The following NUP214 variants were observed in gnomAD, a reference collection of about 807,000 sequenced individuals.
The protein encoded by NUP214 is nuclear pore complex protein Nup214.
NUP214 carries 79 observed loss-of-function variants against 196.2 expected under a neutral mutation model. The ratio of observed to expected loss-of-function variants is 0.40; its 90% CI spans 0.34 to 0.49. NUP214 has a LOEUF of 0.49. Ranked by LOEUF, NUP214 falls within the 20% of genes least tolerant of loss-of-function variation. The probability of loss-of-function intolerance (pLI) is 0.58; values close to 1 mark genes in which losing one functional copy is unlikely to be tolerated. For synonymous variants in NUP214, 1,020 were observed against 990.5 expected, an observed-to-expected ratio of 1.03 and a Z score of -0.56; for missense variants, 2,468 against 2,539.0, an observed-to-expected ratio of 0.97 and a Z score of 0.60.
At chr9:131,189,195 C>G in intron 26 of NUP214, 64 bp downstream of exon 26, 1 of 1,278,938 alleles carries the variant, frequency 7.8e-7, no homozygotes, top group South Asian at 1.2e-5. Context: ...GGTTATTGTT[C>G]TGGATCACTG....
chr9:131,200,042 T>A (rs188328361), intron 29 of NUP214, among the ~76,000 whole-genome samples: 1 of 152,268 alleles, frequency 6.6e-6, no homozygotes, highest in Non-Finnish European at 1.5e-5. Context: ...GAGAAGGCCC[T>A]ATGAGTCTTA....
intron 17 of NUP214, among the ~76,000 whole-genome samples, chr9:131,154,214 T>C (rs889771390): frequency 6.6e-6 from 1 of 152,192 alleles, no homozygotes; most frequent in African/African-American, 2.4e-5. Flanking sequence ...ATCCACAAAA[T>C]AATTTTTTTT....
At chr9:131,144,817 T>A in intron 12 of NUP214, 63 bp downstream of exon 12, 1 of 1,269,314 alleles carries the variant, frequency 7.9e-7, no homozygotes, top group Non-Finnish European at 1.1e-6. Context: ...TGTTATTTAC[T>A]AAAAGTAGAG....
chr9:131,216,469 G>A (rs1240030014), intron 31 of NUP214, among the ~76,000 whole-genome samples: 9 of 147,164 alleles, frequency 6.1e-5, no homozygotes, highest in Admixed American at 2.7e-4. Context: ...CTCATGATCC[G>A]CCTGCCTTGG....
intron 31 of NUP214, among the ~76,000 whole-genome samples, chr9:131,221,802 G>A (rs1377401307): frequency 2.6e-5 from 4 of 152,102 alleles, no homozygotes; most frequent in Admixed American, 6.5e-5. Flanking sequence ...CCATCTAGAC[G>A]TGGTAGGAAA....
chr9:131,125,653 GC>G lies in NUP214; in HGVS notation c.-51del. 6.5e-7 allele frequency: 1 copy of G among 1,544,046 alleles called. No individual in the cohort carries two copies. Among genetic ancestry groups the G allele is most frequent in the Non-Finnish European group, 8.7e-7 (1 of 1,143,096 alleles). On this transcript the variant is annotated 5_prime_UTR_variant, in exon 1 of 36. Transcript: ENST00000359428. This position sits in a 1 kb window ranked among gnomAD's most constrained non-coding sequence, Gnocchi z 4.1. ...CTGTCGAGCGGCCTGGGTTCCGTGG[GC>G]AAGGCCGTGGGAGGCAGCGTTGGCT...
Position 131,197,747 on chromosome 9 carries a change from G to A in NUP214, c.4253G>A (p.Ser1418Asn). Reference sequence around the variant, plus strand: ...GTTTTTGGCAGTCTGCCAGTCACCAGTGCAGGATCCTCTGGGGTCATCAGT... The same window carrying A: ...GTTTTTGGCAGTCTGCCAGTCACCAATGCAGGATCCTCTGGGGTCATCAGT... Reference protein sequence around the residue: ...TAVFGSLPVTSAGSSGVISFG... With the variant: ...TAVFGSLPVTNAGSSGVISFG... Residue 1418 changes from serine (S) to asparagine (N), a missense_variant, in exon 29 of 36, where the codon AGT becomes AAT. Ser to Asn is a conservative substitution (Grantham distance 46, BLOSUM62 1). Coordinates refer to ENST00000359428, the MANE Select transcript of NUP214 (RefSeq NM_005085.4). 1 of 1,614,208 alleles carries A rather than the reference G, an allele frequency of 6.2e-7. No individual in the cohort carries two copies. The highest frequency in any genetic ancestry group is 8.5e-7 in the Non-Finnish European group (1 of 1,180,038).
At chr9:131,217,893 C>A (rs1349747310) in intron 31 of NUP214, among the ~76,000 whole-genome samples, 2 of 152,188 alleles carry the variant, frequency 1.3e-5, no homozygotes, top group African/African-American at 4.8e-5. Context: ...GAGAGCCAGC[C>A]AAGCACATCT....
Position 131,130,652 on chromosome 9 carries a change from A to G in NUP214, c.593-114A>G, listed in dbSNP as rs560470502. 3.2e-5 allele frequency: 31 copies of G among 974,664 alleles called. No homozygotes were observed. In the East Asian group the frequency reaches 6.1e-4, roughly 19 times the overall value. The allele number at this position is 974,664 out of a possible 1,614,324, so 60.4% of individuals were successfully genotyped here. A position where few individuals can be genotyped will look rare whatever the true frequency, so the allele number is the denominator to read the frequency against. ...CACTTTGCCTGATAGAGATGATCCT[A>G]CAATCTTCCATGGACTGACAGAGGA... On this transcript the variant is annotated intron_variant, in intron 4 of 35. Coordinates refer to ENST00000359428, the MANE Select transcript of NUP214 (RefSeq NM_005085.4).
chr9:131,161,387 T>C (rs901839294), intron 18 of NUP214, among the ~76,000 whole-genome samples: 5 of 151,752 alleles, frequency 3.3e-5, no homozygotes, highest in South Asian at 2.1e-4. Context: ...CCTCCTTGAG[T>C]AGCTGGGATT....
intron 32 of NUP214, among the ~76,000 whole-genome samples, chr9:131,223,727 A>ATTTATTTTATTTTTTTTTTTTTTTTTT: frequency 6.4e-5 from 1 of 15,660 alleles, no homozygotes; most frequent in East Asian, 4.9e-3. Flanking sequence ...TTATTTATTT[A>ATTTATTTTATTTTTTTTTTTTTTTTTT]TTTTTTTTTT....
intron 5 of NUP214, among the ~76,000 whole-genome samples, 157 bp downstream of exon 5, chr9:131,130,993 A>G (rs941335180): frequency 2.0e-5 from 3 of 152,190 alleles, no homozygotes; most frequent in African/African-American, 7.2e-5. Flanking sequence ...TCCCTTTCCC[A>G]TAGTCCTTCT....
At chr9:131,215,529 AT>A (rs1176238224) in intron 31 of NUP214, among the ~76,000 whole-genome samples, 161 bp downstream of exon 31, 1 of 152,022 alleles carries the variant, frequency 6.6e-6, no homozygotes, top group Non-Finnish European at 1.5e-5. Flanking sequence ...TTGCTTTTTT[AT>A]TTTTGGTTTT....
intron 24 of NUP214, among the ~76,000 whole-genome samples, chr9:131,185,859 A>T (rs1257087229): frequency 1.3e-5 from 2 of 152,242 alleles, no homozygotes; most frequent in African/African-American, 4.8e-5. Flanking sequence ...ATTATCACAA[A>T]TAAATAGAAT....
intron 22 of NUP214, 68 bp downstream of exon 22, chr9:131,174,386 C>G: frequency 6.6e-7 from 1 of 1,519,336 alleles, no homozygotes; most frequent in Non-Finnish European, 8.9e-7. Flanking sequence ...GGAATTGTAA[C>G]TGGGTCTTAT....
At position 131,174,083 on chromosome 9, in the gene NUP214, TCA is replaced by T. The variant is rs766724420; in HGVS notation, c.2923_2924del (p.Gln975GlufsTer4). ...GCCTGTCTCGATCAGCCTTTCTGTC[TCA>T]GAGATATTATGAAGACTTGGATGAA... ...ASLSRSAFLS[Q>X]RYYEDLDEVS... On this transcript the variant is annotated frameshift_variant, in exon 22 of 36. Coordinates refer to ENST00000359428, the MANE Select transcript of NUP214 (RefSeq NM_005085.4). LOFTEE classifies it high-confidence loss of function. The T allele has an allele frequency of 6.2e-7, 1 of 1,613,598 alleles. No individual in the cohort carries two copies. Among genetic ancestry groups the T allele is most frequent in the Non-Finnish European group, 8.5e-7 (1 of 1,179,844 alleles).
chr9:131,230,641 G>C lies in NUP214; in HGVS notation c.6086G>C (p.Ser2029Thr). ...TCACTGGAGCGCAGGTTTGGGAGCA[G>C]CAGCAACACCACATCCTTCGGCACG... is the stretch of plus-strand genomic sequence containing the variant. ...ASAGGFGFGSSSNTTSFGTLA... is the reference protein window; with the variant it reads ...ASAGGFGFGSTSNTTSFGTLA... The change falls in exon 34 of 36, where the codon AGC (serine) becomes ACC (threonine). Residue 2029 changes from serine (S) to threonine (T), a missense_variant. By Grantham distance (58) the Ser-to-Thr change is moderately conservative. Coordinates refer to ENST00000359428, the MANE Select transcript of NUP214 (RefSeq NM_005085.4). 6.2e-7 allele frequency: 1 copy of C among 1,614,098 alleles called. No individual in the cohort carries two copies.
At chr9:131,130,600 T>C (rs1197247930) in intron 4 of NUP214, among the ~76,000 whole-genome samples, 166 bp from the exon 5 acceptor site, 3 of 152,380 alleles carry the variant, frequency 2.0e-5, no homozygotes, top group East Asian at 1.9e-4. Flanking sequence ...AATTGGCTTA[T>C]ATCGTTAAAA....
chr9:131,215,334 G>A lies in NUP214; in HGVS notation c.5715G>A (p.Ser1905=), dbSNP rs757729764. Residue 1905 remains serine, a synonymous_variant, in exon 31 of 36, where the codon TCG becomes TCA. Transcript: ENST00000359428. ...QDAANKNPFS[S]ASGGFGSTAT... The stretch of plus-strand genomic sequence containing the variant: ...CAGCCAACAAAAACCCATTCAGCTC[G>A]GCCAGTGGGGGCTTTGGATCCACAG... 1.9e-5 allele frequency: 31 copies of A among 1,601,476 alleles called. No individual in the cohort carries two copies. The highest frequency in any genetic ancestry group is 1.2e-4 in the Admixed American group (7 of 58,468).
Sources: gnomAD v4.1 joint callset for allele counts (sites outside exome capture counted in the v4.1 genomes callset) on GRCh38, gnomAD v4.1.1 for gene constraint, Gnocchi (gnomAD v3.1) non-coding constraint, MANE v1.5 for transcripts, NCBI Gene and HGNC (gene_info 2026-07-23, HGNC 2026-07-21) for gene names.